Variants in MIA2 observed in about 807,000 individuals in gnomAD.
MIA2 encodes the protein MIA SH3 domain ER export factor 2.
In MIA2, 127 loss-of-function variants were observed where a neutral mutation model predicts 167.8. The ratio of observed to expected loss-of-function variants is 0.76; its 90% CI spans 0.66 to 0.88. The LOEUF (loss-of-function observed/expected upper bound fraction) is 0.88. Among genes scored for constraint, MIA2 ranks in the 40% least tolerant of loss-of-function variants. The pLI is 0.00. For missense variants in MIA2, 1,690 were observed against 1,624.7 expected, an observed-to-expected ratio of 1.04 and a Z score of -0.69; for synonymous variants, 552 against 541.9, an observed-to-expected ratio of 1.02 and a Z score of -0.26.
At chr14:39,319,143 A>AGG in intron 22 of MIA2, 66 bp from the exon 23 acceptor site, 3 of 791,732 alleles carry the variant, frequency 3.8e-6, no homozygotes, top group Non-Finnish European at 6.1e-6. Flanking sequence ...TAGTTGGTAG[A>AGG]GGCATTTTTT....
In MIA2 at chr14:39,319,293, T is replaced by A. The variant is rs1460214340; in HGVS notation, c.3367+2T>A. ...TTCCAAATACAGCATTTGGCAGAGG[T>A]AGTCTTTTTTTTTTTACCCCTCATT... On this transcript the variant is annotated splice_donor_variant, in intron 23 of 28. Transcript: ENST00000640607. LOFTEE classifies it high-confidence loss of function. 1 of 1,504,086 alleles carries A rather than the reference T, an allele frequency of 6.6e-7. No individual in the cohort carries two copies. The highest frequency in any genetic ancestry group is 8.9e-7 in the Non-Finnish European group (1 of 1,125,558). The allele number at this position is 1,504,086 out of a possible 1,614,324, so 93.2% of individuals were successfully genotyped here. A position where few individuals can be genotyped will look rare whatever the true frequency, so the allele number is the denominator to read the frequency against.
At position 39,381,693 on chromosome 14, in the gene MIA2, T is replaced by C. The variant is rs556074497; in HGVS notation, c.2249-5192T>C. Among the ~76,000 whole-genome samples, 99 of 151,370 alleles carry C rather than the reference T, an allele frequency of 6.5e-4. No individual in the cohort carries two copies. The Middle Eastern group carries it at 0.017, about 26-fold the overall frequency. The stretch of plus-strand genomic sequence containing the variant: ...TTTTTTTTTTTCTTTTTCTTTTTTT[T>C]CCCCAGCTGTGGGAATCTAACCAAT... On this transcript the variant is annotated intron_variant, in intron 23 of 23. Coordinates refer to the MIA2 transcript ENST00000341502.
chr14:39,350,088 C>T lies in MIA2; in HGVS notation c.4073-10C>T. 1 of 1,183,354 alleles carries T rather than the reference C, an allele frequency of 8.5e-7. No individual in the cohort carries two copies. Among genetic ancestry groups the T allele is most frequent in the Non-Finnish European group, 1.2e-6 (1 of 834,552 alleles). 73.3% of individuals were successfully genotyped at this position (1,183,354 alleles called of 1,614,324 possible). A position where few individuals can be genotyped will look rare whatever the true frequency, so the allele number is the denominator to read the frequency against. On this transcript the variant is annotated splice_polypyrimidine_tract_variant and intron_variant, in intron 28 of 28. Coordinates refer to ENST00000640607, the MANE Select transcript of MIA2 (RefSeq NM_001329214.4). ...GTTAAAAAATGTCTTTTACCAATCT[C>T]TTTGAACAGTGAGAAATGTCTATCC... is the stretch of plus-strand genomic sequence containing the variant.
At chr14:39,307,077 G>A (rs1048956874) in intron 17 of MIA2, among the ~76,000 whole-genome samples, 10 of 151,772 alleles carry the variant, frequency 6.6e-5, no homozygotes, top group Non-Finnish European at 1.2e-4. Context: ...AGTATGTTTG[G>A]GCATTTGTTA....
chr14:39,298,575 T>G, intron 13 of MIA2, among the ~76,000 whole-genome samples: 1 of 120,504 alleles, frequency 8.3e-6, no homozygotes, highest in Non-Finnish European at 1.7e-5. Flanking sequence ...TGGCTGTTTA[T>G]TTCACCTGGG....
chr14:39,319,828 A>G (rs184711981), intron 23 of MIA2, among the ~76,000 whole-genome samples: 12 of 152,198 alleles, frequency 7.9e-5, no homozygotes, highest in Admixed American at 7.8e-4. Context: ...ATTTCTGTCC[A>G]TTGTTGAGTT....
chr14:39,265,159 GTA>G (rs3834509), intron 6 of MIA2: 110,692 of 360,708 alleles, frequency 0.31, 10,975 homozygotes, highest in African/African-American at 0.54. Flanking sequence ...ATGTGTGTGA[GTA>G]TATATATATA....
downstream of MIA2, chr14:39,350,834 C>T (rs2074313013): frequency 6.6e-6 from 1 of 152,004 alleles, no homozygotes; most frequent in Non-Finnish European, 1.5e-5. Context: ...CCCAAAGCAA[C>T]AAATTAATAC....
chr14:39,335,614 A>G (rs1261522462), intron 25 of MIA2, among the ~76,000 whole-genome samples: 3 of 152,140 alleles, frequency 2.0e-5, no homozygotes, highest in African/African-American at 7.2e-5. Context: ...TAATAATGTT[A>G]TCTTTTATTT....
intron 28 of MIA2, 95 bp downstream of exon 28, chr14:39,349,072 G>A: frequency 1.4e-6 from 2 of 1,416,762 alleles, no homozygotes; most frequent in East Asian, 2.4e-5. Flanking sequence ...ACACAGTGGA[G>A]GAAAGTTTTT....
chr14:39,304,202 AG>A (rs1004885291), intron 16 of MIA2, 88 bp from the exon 17 acceptor site: 3 of 516,000 alleles, frequency 5.8e-6, no homozygotes, highest in Non-Finnish European at 1.0e-5. Flanking sequence ...AAAAAGTGTT[AG>A]GGGGGTCATA....
rs143705958 is a variant in MIA2 at position 39,374,298 on chromosome 14, T to G, written c.2249-12587T>G. Among the ~76,000 whole-genome samples the G allele has an allele frequency of 1.8e-3, 270 of 152,324 alleles. 1 individual carries two copies. Among genetic ancestry groups the G allele is most frequent in the African/African-American group, 6.0e-3 (248 of 41,570 alleles). On this transcript the variant is annotated intron_variant, in intron 23 of 23. Transcript: ENST00000341502. ...AGATCTATACCTAAGGTCATGCCAT[T>G]GGAAATCTACAGAATACTAAGGAAA...
chr14:39,273,529 A>T (rs2057485387), intron 6 of MIA2, among the ~76,000 whole-genome samples: 2 of 151,800 alleles, frequency 1.3e-5, no homozygotes, highest in South Asian at 4.1e-4. Flanking sequence ...ATTTTTGTTG[A>T]ATGTTTTGAC....
At chr14:39,373,744 C>G (rs1221327180) in intron 23 of MIA2, among the ~76,000 whole-genome samples, 1 of 152,154 alleles carries the variant, frequency 6.6e-6, no homozygotes, top group Non-Finnish European at 1.5e-5. Flanking sequence ...TCACTTGAAC[C>G]TGGGAGGCAG....
At chr14:39,384,934 C>A (rs1461004367) in intron 23 of MIA2, among the ~76,000 whole-genome samples, 1 of 152,128 alleles carries the variant, frequency 6.6e-6, no homozygotes, top group East Asian at 1.9e-4. Flanking sequence ...TTAACAATTG[C>A]AAGTATAAAA....
chr14:39,353,427 GA>G (rs2074443078), downstream of MIA2, among the ~76,000 whole-genome samples: 1 of 152,084 alleles, frequency 6.6e-6, no homozygotes, highest in South Asian at 2.1e-4. Flanking sequence ...TCCCCCATAT[GA>G]GTGAGAACAT....
chr14:39,291,746 G>A (rs2060766934), intron 10 of MIA2, among the ~76,000 whole-genome samples: 1 of 152,136 alleles, frequency 6.6e-6, no homozygotes, highest in African/African-American at 2.4e-5. Context: ...AGGCTTTCCT[G>A]AGCCAAGTGT....
At chr14:39,373,935 G>A (rs2074999183) in intron 23 of MIA2, among the ~76,000 whole-genome samples, 1 of 152,210 alleles carries the variant, frequency 6.6e-6, no homozygotes, top group Non-Finnish European at 1.5e-5. Flanking sequence ...TCCCACATGG[G>A]AGAATCACCT....
At chr14:39,357,455 T>C (rs2074559104) in intron 23 of MIA2, among the ~76,000 whole-genome samples, 2 of 152,158 alleles carry the variant, frequency 1.3e-5, no homozygotes, top group Admixed American at 6.5e-5. Flanking sequence ...TCTCTGCATG[T>C]GAGATGGGTT....
Sources: gnomAD v4.1 joint callset for allele counts (sites outside exome capture counted in the v4.1 genomes callset) on GRCh38, gnomAD v4.1.1 for gene constraint, MANE v1.5 for transcripts, NCBI Gene and HGNC (gene_info 2026-07-23, HGNC 2026-07-21) for gene names.